The following CENATAC variants were observed in gnomAD, a reference collection of about 807,000 sequenced individuals.
The protein encoded by CENATAC is coiled-coil domain containing 84.
CENATAC carries 53 observed loss-of-function variants against 53.7 expected under a neutral mutation model. The observed-to-expected ratio is 0.99, with a 90% confidence interval of 0.79 to 1.24. CENATAC has a LOEUF of 1.24. Among genes scored for constraint, CENATAC ranks in the 50% most tolerant of loss-of-function variants. The pLI, the probability that CENATAC is intolerant of heterozygous loss-of-function variation, is 0.00. For synonymous variants in CENATAC, 156 were observed against 144.6 expected (o/e 1.08, Z -0.57); for missense variants, 474 against 417.8 (o/e 1.13, Z -1.17).
Position 119,012,225 on chromosome 11 carries a change from G to A in CENATAC, c.655G>A (p.Gly219Arg). Residue 219 changes from glycine to arginine, a missense_variant, in exon 7 of 11, where the codon GGA becomes AGA. Coordinates refer to ENST00000334418, the MANE Select transcript of CENATAC (RefSeq NM_198489.3). Reference sequence around the variant, plus strand: ...TCCAGAGCTTGACTGGATGGAGACAGGACCATCTCTGACATTCATTGGCCA... The same window carrying A: ...TCCAGAGCTTGACTGGATGGAGACAAGACCATCTCTGACATTCATTGGCCA... ...PAPELDWMETGPSLTFIGHQD... is the reference protein window; with the variant it reads ...PAPELDWMETRPSLTFIGHQD... The A allele has an allele frequency of 6.2e-7, 1 of 1,614,098 alleles. No individual in the cohort carries two copies. The highest frequency in any genetic ancestry group is 8.5e-7 in the Non-Finnish European group (1 of 1,180,034).
In CENATAC at chr11:118,998,559, G is replaced by A. The variant is rs1179773060; in HGVS notation, c.250G>A (p.Val84Met). Reference sequence around the variant, plus strand: ...ACACCTGAGCCATGGAAACCTGACGGTGCTGTACGGGGGGCTGCTGGAGCA... The same window carrying A: ...ACACCTGAGCCATGGAAACCTGACGATGCTGTACGGGGGGCTGCTGGAGCA... ...REHLSHGNLT[V>M]LYGGLLEHLA... Residue 84 changes from valine to methionine, a missense_variant, in exon 2 of 11, where the codon GTG becomes ATG. Coordinates refer to ENST00000334418, the MANE Select transcript of CENATAC (RefSeq NM_198489.3). The A allele has an allele frequency of 2.5e-6, 4 of 1,582,014 alleles. No homozygotes were observed. The highest frequency in any genetic ancestry group is 3.4e-6 in the Non-Finnish European group (4 of 1,163,386).
At chr11:119,003,063 C>A in intron 3 of CENATAC, 2 of 526,614 alleles carry the variant, frequency 3.8e-6, no homozygotes, top group South Asian at 2.8e-5. Flanking sequence ...AATCAGGAGC[C>A]AGTCGAACAT....
rs1306248231 is a variant in CENATAC at position 119,010,756 on chromosome 11, C to G, written c.384-8C>G. 3.7e-6 allele frequency: 6 copies of G among 1,613,758 alleles called. No homozygotes were observed. The highest frequency in any genetic ancestry group is 5.1e-6 in the Non-Finnish European group (6 of 1,179,888). On this transcript the variant is annotated splice_region_variant and splice_polypyrimidine_tract_variant and intron_variant, in intron 3 of 10. Transcript: ENST00000334418. ...GGTTCTGGGTGGTTTTGCCCCTTTT[C>G]TTTTTAGATTCAAGAAATCCATGGT...
rs190060509 is a variant in CENATAC, at chr11:119,008,774, C to T, written c.384-1990C>T. ...TGGAGAGAAACCTTGGACAATACCC[C>T]GCTTTCAAGGGCAGAGGTCCCTGCG... On this transcript the variant is annotated intron_variant, in intron 3 of 10. Transcript: ENST00000334418. Among the ~76,000 whole-genome samples the T allele has an allele frequency of 9.0e-3, 1,363 of 150,812 alleles. 23 individuals carry two copies. The highest frequency in any genetic ancestry group is 0.031 in the African/African-American group (1,279 of 41,052).
intron 3 of CENATAC, 68 bp from the exon 4 acceptor site, chr11:119,010,696 A>G (rs998774945): frequency 1.3e-5 from 17 of 1,349,640 alleles, no homozygotes; most frequent in African/African-American, 2.9e-5. Flanking sequence ...AAAAATATCT[A>G]CTGAGGAGCT....
At chr11:119,003,520 A>G (rs1431827368) in intron 3 of CENATAC, 1 of 374,454 alleles carries the variant, frequency 2.7e-6, no homozygotes, top group Non-Finnish European at 5.2e-6. Flanking sequence ...CTGGTCTCGA[A>G]CTCCTGACCT....
intron 3 of CENATAC, among the ~76,000 whole-genome samples, chr11:119,005,396 G>C (rs902420628): frequency 1.5e-4 from 23 of 151,634 alleles, no homozygotes; most frequent in African/African-American, 5.3e-4. Context: ...AACCCAGGAG[G>C]TGGAGCTTGC....
At position 119,005,443 on chromosome 11, in the gene CENATAC, C is replaced by T. The variant is rs1056660882; in HGVS notation, c.384-5321C>T. On this transcript the variant is annotated intron_variant, in intron 3 of 10. Transcript: ENST00000334418. ...ATCATGCCACTGCACTCCAGCCTGG[C>T]GACATAGAGTGAGACCCCGTCTCAA... 2.0e-5 allele frequency among the ~76,000 whole-genome samples: 3 copies of T among 150,094 alleles called. No homozygotes were observed. The East Asian group carries it at 5.9e-4, about 29-fold the overall frequency.
rs1324580527 is a variant in CENATAC at position 119,012,216 on chromosome 11, A to G, written c.646A>G (p.Met216Val). 6 of 1,613,950 alleles carry G rather than the reference A, an allele frequency of 3.7e-6. No homozygotes were observed. The highest frequency in any genetic ancestry group is 5.1e-6 in the Non-Finnish European group (6 of 1,180,024). The change falls in exon 7 of 11, where the codon ATG becomes GTG. Residue 216 changes from methionine to valine, a missense_variant. Coordinates refer to ENST00000334418, the MANE Select transcript of CENATAC (RefSeq NM_198489.3). ...DLPPAPELDW[M>V]ETGPSLTFIG... Reference sequence around the variant, plus strand: ...GCCACCAGCTCCAGAGCTTGACTGGATGGAGACAGGACCATCTCTGACATT... The same window carrying G: ...GCCACCAGCTCCAGAGCTTGACTGGGTGGAGACAGGACCATCTCTGACATT...
At chr11:119,007,400 T>A (rs1592064537) in intron 3 of CENATAC, among the ~76,000 whole-genome samples, 1 of 152,136 alleles carries the variant, frequency 6.6e-6, no homozygotes, top group Non-Finnish European at 1.5e-5. Flanking sequence ...GTCAGGCTGG[T>A]CTCAAACTCC....
intron 7 of CENATAC, 114 bp downstream of exon 7, chr11:119,012,368 T>A (rs906197437): frequency 1.0e-5 from 12 of 1,164,842 alleles, no homozygotes; most frequent in African/African-American, 9.3e-5. Flanking sequence ...AGGCTTTTCC[T>A]TCTTCCTTCA....
Position 118,998,318 on chromosome 11 carries a change from G to C in CENATAC, c.120+1G>C. On this transcript the variant is annotated splice_donor_variant, in intron 1 of 10. Coordinates refer to ENST00000334418, the MANE Select transcript of CENATAC (RefSeq NM_198489.3). LOFTEE classifies it high-confidence loss of function. ...GGCTTTGGAGAGGCTCCTGCCCCAG[G>C]TGCGGAGGCAAGGCTAGAGATGGGA... The C allele has an allele frequency of 1.2e-6, 2 of 1,610,328 alleles. No homozygotes were observed. The highest frequency in any genetic ancestry group is 1.7e-6 in the Non-Finnish European group (2 of 1,178,388).
At chr11:119,013,000 C>G in intron 7 of CENATAC, 1 of 447,708 alleles carries the variant, frequency 2.2e-6, no homozygotes, top group Non-Finnish European at 4.0e-6. Flanking sequence ...AATAGCCACT[C>G]TACTTACAGA....
Position 119,015,752 on chromosome 11 carries a change from G to C in CENATAC, c.*154G>C. 2 of 1,248,630 alleles carry C rather than the reference G, an allele frequency of 1.6e-6. No individual in the cohort carries two copies. Among genetic ancestry groups the C allele is most frequent in the South Asian group, 2.5e-5 (2 of 79,234 alleles). The allele number at this position is 1,248,630 out of a possible 1,614,324, so 77.3% of individuals were successfully genotyped here. On this transcript the variant is annotated 3_prime_UTR_variant, in exon 11 of 11. Coordinates refer to ENST00000334418, the MANE Select transcript of CENATAC (RefSeq NM_198489.3). ...TTTTATTTTTCCAAATGTACAGCTG[G>C]TTGGACCTGTAAAAAAAAATTAAAA...
chr11:119,012,120 C>T (rs781870959), intron 6 of CENATAC, 29 bp from the exon 7 acceptor site: 19 of 1,614,020 alleles, frequency 1.2e-5, no homozygotes, highest in South Asian at 7.7e-5. Flanking sequence ...TCAAGGACCT[C>T]ATCTGGCAGC....
Position 118,998,602 on chromosome 11 carries a change from C to G in CENATAC, c.284+9C>G, listed in dbSNP as rs1207585093. On this transcript the variant is annotated intron_variant, in intron 2 of 10. Transcript: ENST00000334418. ...CTGGAGCATCTGGCCAGGTGAGAGC[C>G]GAGCTAGGAGCCTGCTCCAGCACAG... 1 of 1,555,732 alleles carries G rather than the reference C, an allele frequency of 6.4e-7. No homozygotes were observed. The highest frequency in any genetic ancestry group is 8.7e-7 in the Non-Finnish European group (1 of 1,149,082).
At position 118,998,425 on chromosome 11, in the gene CENATAC, G is replaced by A. The variant is rs1942120013; in HGVS notation, c.121-5G>A. The A allele has an allele frequency of 6.2e-7, 1 of 1,611,970 alleles. No individual in the cohort carries two copies. The highest frequency in any genetic ancestry group is 8.5e-7 in the Non-Finnish European group (1 of 1,179,718). On this transcript the variant is annotated splice_polypyrimidine_tract_variant and splice_region_variant and intron_variant, in intron 1 of 10. Transcript: ENST00000334418. ...TCGGGGTTCTACTTGGCCTCTCTGCGGCAGGTGGAGGCGGCCCGCAAGGCC... is the reference window on the plus strand; with the variant it reads ...TCGGGGTTCTACTTGGCCTCTCTGCAGCAGGTGGAGGCGGCCCGCAAGGCC...
At position 118,998,490 on chromosome 11, in the gene CENATAC, G is replaced by T; in HGVS notation, c.181G>T (p.Glu61Ter). Residue 61 changes from glutamate to a stop codon, truncating the protein, a stop_gained, in exon 2 of 11, where the codon GAG (glutamate) becomes TAG (stop). Coordinates refer to ENST00000334418, the MANE Select transcript of CENATAC (RefSeq NM_198489.3). LOFTEE classifies it high-confidence loss of function. ...GGTGGAGCGCTATGTGCCCGAACAC[G>T]AGCGATGCTGCTGGTGCCTGTGCTG... ...AQVERYVPEH[E>*]RCCWCLCCGC... is the part of the protein sequence containing the mutation. 1.9e-6 allele frequency: 3 copies of T among 1,613,248 alleles called. No homozygotes were observed. Among genetic ancestry groups the T allele is most frequent in the Non-Finnish European group, 2.5e-6 (3 of 1,179,756 alleles).
rs782449463 is a variant in CENATAC at position 119,015,076 on chromosome 11, TAAAG to T, written c.803_805+1del. On this transcript the variant is annotated frameshift_variant, in exon 9 of 11. Coordinates refer to ENST00000334418, the MANE Select transcript of CENATAC (RefSeq NM_198489.3). LOFTEE classifies it high-confidence loss of function. ...TAGGACCATCCTATGAAGAATTTCTTAAAGAAAGTAAGTAAACTAATTCAAGAGA... is the reference window on the plus strand; with the variant it reads ...TAGGACCATCCTATGAAGAATTTCTTAAAGTAAGTAAACTAATTCAAGAGA... The T allele has an allele frequency of 1.2e-4, 194 of 1,605,422 alleles. No homozygotes were observed. The highest frequency in any genetic ancestry group is 1.4e-4 in the Non-Finnish European group (169 of 1,174,654).
Sources: allele counts gnomAD v4.1 joint callset (sites outside exome capture counted in the v4.1 genomes callset), GRCh38; gene constraint gnomAD v4.1.1; transcripts MANE v1.5; gene names NCBI Gene and HGNC (gene_info 2026-07-23, HGNC 2026-07-21).